PPARGC1A: variants seen among roughly 807,000 people sequenced by gnomAD.
PPARGC1A encodes PPARG coactivator 1 alpha.
A neutral mutation model predicts 88.7 loss-of-function variants in PPARGC1A; 25 were observed. That is an observed-to-expected ratio of 0.28 (90% CI 0.21 to 0.39). PPARGC1A has a LOEUF of 0.39. Ranked by LOEUF, PPARGC1A falls within the 10% of genes least tolerant of loss-of-function variation. PPARGC1A has a pLI of 1.00. For missense variants in PPARGC1A, 880 were observed against 968.7 expected (o/e 0.91, Z 1.22); for synonymous variants, 363 against 355.6 (o/e 1.02, Z -0.24).
the PPARGC1A span, among the ~76,000 whole-genome samples, chr4:24,306,071 C>A: frequency 6.6e-5 from 10 of 152,132 alleles, no homozygotes; most frequent in Admixed American, 1.3e-4. Flanking sequence ...TACGAGAACA[C>A]AATCCACAGA....
the PPARGC1A span, among the ~76,000 whole-genome samples, chr4:24,349,987 C>T: frequency 2.8e-4 from 42 of 152,326 alleles, no homozygotes; most frequent in East Asian, 7.9e-3. Context: ...TTGGCTGCTT[C>T]CTCTACCCCT....
chr4:24,259,721 G>A, the PPARGC1A span, among the ~76,000 whole-genome samples: 12 of 152,084 alleles, frequency 7.9e-5, no homozygotes, highest in Admixed American at 6.5e-4. Context: ...CACGAATATC[G>A]ATTGAATTCA....
At chr4:24,300,707 C>T in the PPARGC1A span, among the ~76,000 whole-genome samples, 4 of 152,040 alleles carry the variant, frequency 2.6e-5, no homozygotes, top group Admixed American at 6.6e-5. Context: ...GGATCACCAA[C>T]GTACCCAGTT....
upstream of PPARGC1A, among the ~76,000 whole-genome samples, chr4:23,893,018 G>C (rs924501200): frequency 5.9e-5 from 9 of 152,090 alleles, no homozygotes; most frequent in Non-Finnish European, 1.5e-5. Context: ...ACAATAGAAA[G>C]AGGTATTTAT....
chr4:24,144,659 C>T, the PPARGC1A span, among the ~76,000 whole-genome samples: 1 of 152,074 alleles, frequency 6.6e-6, no homozygotes, highest in African/African-American at 2.4e-5. Flanking sequence ...AAAGGACTCA[C>T]TTCTCTCCTT....
chr4:23,890,999 G>A (rs934385722), upstream of PPARGC1A, among the ~76,000 whole-genome samples: 7 of 152,024 alleles, frequency 4.6e-5, no homozygotes, highest in South Asian at 2.1e-4. Flanking sequence ...TGTAGTTTGC[G>A]TTTTGAAATC....
Position 23,802,397 on chromosome 4 carries a change from C to T in PPARGC1A, c.2020-52G>A, listed in dbSNP as rs142140409. 5.6e-4 allele frequency: 898 copies of T among 1,609,954 alleles called. 2 individuals carry two copies. Among genetic ancestry groups the T allele is most frequent in the African/African-American group, 5.3e-3 (397 of 74,868 alleles). ...CTGGAGTGGGAAAAAAGCTAGCCCT[C>T]GGCCGGGCACAGTGGCTCACACCTG... On this transcript the variant is annotated intron_variant, in intron 10 of 12. Transcript: ENST00000264867.
chr4:24,153,966 A>T, the PPARGC1A span, among the ~76,000 whole-genome samples: 20 of 152,326 alleles, frequency 1.3e-4, no homozygotes, highest in African/African-American at 4.8e-4. Context: ...AGAAGAGAGT[A>T]CAGGACAAAT....
chr4:24,127,538 T>TAC, the PPARGC1A span, among the ~76,000 whole-genome samples: 17 of 151,544 alleles, frequency 1.1e-4, no homozygotes, highest in Admixed American at 7.9e-4. Flanking sequence ...TATATATATA[T>TAC]ACACACACAC....
At chr4:24,181,371 C>T in the PPARGC1A span, among the ~76,000 whole-genome samples, 125 of 152,202 alleles carry the variant, frequency 8.2e-4, no homozygotes, top group African/African-American at 2.6e-3. Context: ...AGTTTTCCCA[C>T]GAATAGATAG....
At chr4:24,397,515 G>T in the PPARGC1A span, among the ~76,000 whole-genome samples, 1 of 152,128 alleles carries the variant, frequency 6.6e-6, no homozygotes, top group Non-Finnish European at 1.5e-5. Flanking sequence ...CCATCCTAAG[G>T]AATGTAAGTG....
the PPARGC1A span, among the ~76,000 whole-genome samples, chr4:24,235,336 G>T: frequency 6.6e-6 from 1 of 152,152 alleles, no homozygotes; most frequent in African/African-American, 2.4e-5. Context: ...TCCTTTATGA[G>T]GGAATAATTT....
At chr4:24,187,199 A>G in the PPARGC1A span, among the ~76,000 whole-genome samples, 3 of 152,236 alleles carry the variant, frequency 2.0e-5, no homozygotes, top group East Asian at 1.9e-4. Flanking sequence ...TGGTGATGCA[A>G]TGATGATGGC....
chr4:23,947,037 T>C, the PPARGC1A span, among the ~76,000 whole-genome samples: 1 of 152,050 alleles, frequency 6.6e-6, no homozygotes, highest in African/African-American at 2.4e-5. Context: ...TTGAAGCATG[T>C]AGTATACTTA....
intron 2 of PPARGC1A, among the ~76,000 whole-genome samples, chr4:23,857,362 TGTGTGTGTGTGA>T (rs1260031708): frequency 1.9e-5 from 2 of 106,420 alleles, no homozygotes; most frequent in Non-Finnish European, 3.9e-5. Flanking sequence ...AGTATGTGCG[TGTGTGTGTGTGA>T]CACACACACA....
At chr4:24,307,350 A>T in the PPARGC1A span, among the ~76,000 whole-genome samples, 10 of 152,236 alleles carry the variant, frequency 6.6e-5, no homozygotes, top group Admixed American at 1.3e-4. Flanking sequence ...TGGATGTAAA[A>T]TCTACACTGT....
the PPARGC1A span, among the ~76,000 whole-genome samples, chr4:23,996,198 C>T: frequency 6.6e-6 from 1 of 152,110 alleles, no homozygotes; most frequent in Non-Finnish European, 1.5e-5. Context: ...TTGACTGGTA[C>T]TTTTCCTATG....
At chr4:24,103,847 CA>C in the PPARGC1A span, among the ~76,000 whole-genome samples, 1 of 152,128 alleles carries the variant, frequency 6.6e-6, no homozygotes, top group African/African-American at 2.4e-5. Context: ...ACGTTTTCTC[CA>C]AAAAGCATCC....
At chr4:23,798,026 G>T (rs1435489361) in intron 12 of PPARGC1A, among the ~76,000 whole-genome samples, 3 of 151,840 alleles carry the variant, frequency 2.0e-5, no homozygotes, top group Non-Finnish European at 4.4e-5. Context: ...GCTCATCCTG[G>T]CTCAAAAGCT....
Sources: gnomAD v4.1 joint callset for allele counts (sites outside exome capture counted in the v4.1 genomes callset) on GRCh38, gnomAD v4.1.1 for gene constraint, MANE v1.5 for transcripts, NCBI Gene and HGNC (gene_info 2026-07-23, HGNC 2026-07-21) for gene names.